The following EREG variants were observed in gnomAD, a reference collection of about 807,000 sequenced individuals.
EREG encodes the protein epiregulin.
Under a neutral mutation model 22.4 loss-of-function variants are expected in EREG, and 23 were observed. That is an observed-to-expected ratio of 1.03 (90% CI 0.74 to 1.46). The LOEUF (loss-of-function observed/expected upper bound fraction) is 1.46. Ranked by LOEUF, EREG falls within the 40% of genes most tolerant of loss-of-function variation. The probability of loss-of-function intolerance (pLI) is 0.00; values close to 1 mark genes in which losing one functional copy is unlikely to be tolerated. For missense variants in EREG, 226 were observed against 205.9 expected, an observed-to-expected ratio of 1.10 and a Z score of -0.60; for synonymous variants, 100 against 75.4, an observed-to-expected ratio of 1.33 and a Z score of -1.69.
At chr4:74,376,189 A>G (rs1221917436) in intron 1 of EREG, among the ~76,000 whole-genome samples, 1 of 152,234 alleles carries the variant, frequency 6.6e-6, no homozygotes, top group Non-Finnish European at 1.5e-5. Flanking sequence ...GTTGGATTCT[A>G]TAATAGTTGC....
intron 1 of EREG, among the ~76,000 whole-genome samples, chr4:74,369,536 G>A (rs1004888089): frequency 1.3e-5 from 2 of 152,120 alleles, no homozygotes; most frequent in Admixed American, 6.5e-5. Flanking sequence ...TAATGGCTGA[G>A]TAGTATTCCA....
chr4:74,380,068 C>T (rs753804967), intron 2 of EREG, among the ~76,000 whole-genome samples: 3 of 152,080 alleles, frequency 2.0e-5, no homozygotes, highest in Non-Finnish European at 4.4e-5. Flanking sequence ...AGTTTTTTCC[C>T]CTCGAGGACT....
rs1370112869 is a variant in EREG at position 74,386,778 on chromosome 4, T to C, written c.*1970T>C. 6.6e-6 allele frequency: 1 copy of C among 151,166 alleles called. No individual in the cohort carries two copies. Among genetic ancestry groups the C allele is most frequent in the Non-Finnish European group, 1.5e-5 (1 of 68,016 alleles). 9.4% of individuals were successfully genotyped at this position (151,166 alleles called of 1,614,324 possible). ...TACAACAACAACAAAAAATACATTA[T>C]AACAACTATTTACTTTTTTTTTTTT... On this transcript the variant is annotated 3_prime_UTR_variant, in exon 5 of 5. Transcript: ENST00000244869.
chr4:74,365,440 C>T, intron 1 of EREG, 65 bp downstream of exon 1: 8 of 1,427,046 alleles, frequency 5.6e-6, no homozygotes, highest in Non-Finnish European at 7.8e-6. Flanking sequence ...GGCTCCTGTG[C>T]ATTTGTCATT....
chr4:74,365,221 C>A lies in EREG; in HGVS notation c.-88C>A. On this transcript the variant is annotated 5_prime_UTR_variant, in exon 1 of 5. Coordinates refer to ENST00000244869, the MANE Select transcript of EREG (RefSeq NM_001432.3). The stretch of plus-strand genomic sequence containing the variant: ...TCTAGGCTGACAGCCGCTCTCCAGC[C>A]ACTGCCGCGAGCCCGTCTGCTCCCG... 9.7e-7 allele frequency: 1 copy of A among 1,026,540 alleles called. No homozygotes were observed. Among genetic ancestry groups the A allele is most frequent in the Non-Finnish European group, 1.5e-6 (1 of 675,520 alleles). The allele number at this position is 1,026,540 out of a possible 1,614,324, so 63.6% of individuals were successfully genotyped here.
At chr4:74,382,938 TTAAG>T in intron 4 of EREG, 144 bp downstream of exon 4, 1 of 608,960 alleles carries the variant, frequency 1.6e-6, no homozygotes, top group East Asian at 2.7e-5. Flanking sequence ...TGAGAAACTA[TTAAG>T]TATTATGCCC....
chr4:74,368,493 G>T (rs1422669881), intron 1 of EREG, among the ~76,000 whole-genome samples: 1 of 152,102 alleles, frequency 6.6e-6, no homozygotes, highest in Non-Finnish European at 1.5e-5. Flanking sequence ...ATTGATAAGG[G>T]ATCAACTTGG....
intron 1 of EREG, among the ~76,000 whole-genome samples, chr4:74,378,382 C>T (rs911952245): frequency 2.0e-5 from 3 of 152,132 alleles, no homozygotes; most frequent in African/African-American, 4.8e-5. Context: ...CAAAAGACAA[C>T]CTTTAGGGTG....
intron 1 of EREG, among the ~76,000 whole-genome samples, chr4:74,372,481 C>T (rs1045487076): frequency 1.3e-5 from 2 of 152,160 alleles, no homozygotes; most frequent in Admixed American, 1.3e-4. Flanking sequence ...ACAATGTGGC[C>T]ATAATGAAAA....
Position 74,384,879 on chromosome 4 carries a change from T to A in EREG, c.*71T>A. 2.3e-6 allele frequency: 2 copies of A among 862,870 alleles called. No homozygotes were observed. The highest frequency in any genetic ancestry group is 3.8e-6 in the Non-Finnish European group (2 of 529,454). The allele number at this position is 862,870 out of a possible 1,614,324, so 53.5% of individuals were successfully genotyped here. ...AATATTAATATTCCCATTTTATTAA[T>A]AATATTTATGTTGGGTCAAGTGTTA... is the stretch of plus-strand genomic sequence containing the variant. On this transcript the variant is annotated 3_prime_UTR_variant, in exon 5 of 5. Coordinates refer to ENST00000244869, the MANE Select transcript of EREG (RefSeq NM_001432.3).
In EREG at chr4:74,369,556, G is replaced by T. The variant is rs189653241; in HGVS notation, c.67+4181G>T. 2.1e-3 allele frequency among the ~76,000 whole-genome samples: 326 copies of T among 152,152 alleles called. 2 individuals are homozygous for T. The highest frequency in any genetic ancestry group is 7.8e-3 in the African/African-American group (325 of 41,508). The stretch of plus-strand genomic sequence containing the variant: ...GCTGAGTAGTATTCCATGGATATAT[G>T]GATGTATTCCATGGAGATATATGTA... On this transcript the variant is annotated intron_variant, in intron 1 of 4. Transcript: ENST00000244869.
intron 1 of EREG, among the ~76,000 whole-genome samples, chr4:74,371,857 G>GTTTT (rs529816323): frequency 2.1e-5 from 3 of 142,502 alleles, no homozygotes; most frequent in African/African-American, 7.6e-5. Context: ...AGCATTCTCT[G>GTTTT]TTTTTTTTTT....
Position 74,380,533 on chromosome 4 carries a change from A to C in EREG, c.155-481A>C, listed in dbSNP as rs932798077. Among the ~76,000 whole-genome samples, 4 of 152,198 alleles carry C rather than the reference A, an allele frequency of 2.6e-5. No homozygotes were observed. In the South Asian group the frequency reaches 8.3e-4, roughly 31 times the overall value. ...CATTAATGGTAACCTCAGCAACTTG[A>C]AAACATACACCAAAGCCAGCCTTAC... On this transcript the variant is annotated intron_variant, in intron 2 of 4. Transcript: ENST00000244869.
rs1394670594 is a variant in EREG, at chr4:74,367,067, C to T, written c.67+1692C>T. On this transcript the variant is annotated intron_variant, in intron 1 of 4. Coordinates refer to ENST00000244869, the MANE Select transcript of EREG (RefSeq NM_001432.3). Reference sequence around the variant, plus strand: ...AAAAATACTTTTCCCAAATCTTGTCCTTCCCCCAGCAAAAAAGAGCGAGAC... The same window carrying T: ...AAAAATACTTTTCCCAAATCTTGTCTTTCCCCCAGCAAAAAAGAGCGAGAC... Among the ~76,000 whole-genome samples the T allele has an allele frequency of 2.0e-5, 3 of 152,098 alleles. No individual in the cohort carries two copies. In the East Asian group the frequency reaches 5.8e-4, roughly 29 times the overall value.
rs1367286895 is a variant in EREG, at chr4:74,365,333, ATGCTC to A, written c.28_32del (p.Leu10CysfsTer35). ...GATGACCGCGGGGAGGAGGATGGAGATGCTCTGTGCCGGCAGGGTCCCTGCGCTGC... is the reference window on the plus strand; with the variant it reads ...GATGACCGCGGGGAGGAGGATGGAGATGTGCCGGCAGGGTCCCTGCGCTGC... On this transcript the variant is annotated frameshift_variant, in exon 1 of 5. Transcript: ENST00000244869. LOFTEE classifies it high-confidence loss of function. 3.1e-6 allele frequency: 5 copies of A among 1,608,414 alleles called. No individual in the cohort carries two copies. Among genetic ancestry groups the A allele is most frequent in the Non-Finnish European group, 4.2e-6 (5 of 1,179,960 alleles).
chr4:74,385,083 G>A lies in EREG; in HGVS notation c.*275G>A. ...TCATTGAAAGCTTCAAAGTTTATAT[G>A]CCTGGTGCACAGTGCTTAGAAGTAA... On this transcript the variant is annotated 3_prime_UTR_variant, in exon 5 of 5. Coordinates refer to ENST00000244869, the MANE Select transcript of EREG (RefSeq NM_001432.3). 3.2e-6 allele frequency: 1 copy of A among 315,478 alleles called. No homozygotes were observed. Among genetic ancestry groups the A allele is most frequent in the Non-Finnish European group, 5.9e-6 (1 of 170,592 alleles). 19.5% of individuals were successfully genotyped at this position (315,478 alleles called of 1,614,324 possible).
chr4:74,386,182 C>T lies in EREG; in HGVS notation c.*1374C>T, dbSNP rs1752565645. 5.0e-6 allele frequency: 1 copy of T among 199,984 alleles called. No homozygotes were observed. 12.4% of individuals were successfully genotyped at this position (199,984 alleles called of 1,614,324 possible). A position where few individuals can be genotyped will look rare whatever the true frequency, so the allele number is the denominator to read the frequency against. Reference sequence around the variant, plus strand: ...CACTTTTGGATTTTATGGGAGGCTCCTTCATCGAATGCTAAACCTTTGAGT... The same window carrying T: ...CACTTTTGGATTTTATGGGAGGCTCTTTCATCGAATGCTAAACCTTTGAGT... On this transcript the variant is annotated 3_prime_UTR_variant, in exon 5 of 5. Coordinates refer to ENST00000244869, the MANE Select transcript of EREG (RefSeq NM_001432.3).
At chr4:74,379,639 G>T in intron 2 of EREG, 105 bp downstream of exon 2, 2 of 654,342 alleles carry the variant, frequency 3.1e-6, no homozygotes, top group South Asian at 2.2e-5. Context: ...AAAAGGGTAA[G>T]AATAGCTGCT....
At chr4:74,367,916 T>C (rs1752214416) in intron 1 of EREG, among the ~76,000 whole-genome samples, 1 of 152,230 alleles carries the variant, frequency 6.6e-6, no homozygotes, top group African/African-American at 2.4e-5. Flanking sequence ...ACTAAATGCC[T>C]ACTGTGTGGC....
Sources: gnomAD v4.1 joint callset for allele counts (sites outside exome capture counted in the v4.1 genomes callset) on GRCh38, gnomAD v4.1.1 for gene constraint, MANE v1.5 for transcripts, NCBI Gene and HGNC (gene_info 2026-07-23, HGNC 2026-07-21) for gene names.